The following CFH variants were observed in gnomAD, a reference collection of about 807,000 sequenced individuals.
The protein encoded by CFH is complement factor H.
A neutral mutation model predicts 147.3 loss-of-function variants in CFH; 53 were observed. That is an observed-to-expected ratio of 0.36 (90% confidence interval 0.29 to 0.45). The LOEUF is 0.45. CFH is among the 20% of genes least tolerant of loss of function. The probability of loss-of-function intolerance (pLI) is 1.00; values close to 1 mark genes in which losing one functional copy is unlikely to be tolerated. For synonymous variants in CFH, 536 were observed against 489.4 expected, an observed-to-expected ratio of 1.10 and a Z score of -1.26; for missense variants, 1,380 against 1,498.0, an observed-to-expected ratio of 0.92 and a Z score of 1.30.
intron 9 of CFH, among the ~76,000 whole-genome samples, chr1:196,693,478 C>T (rs937114517): frequency 6.6e-6 from 1 of 151,980 alleles, no homozygotes; most frequent in Non-Finnish European, 1.5e-5. Context: ...CCAGTAAATG[C>T]CCGAAATGAT....
chr1:196,714,668 T>TATATATAGAGAG (rs1362376856), intron 10 of CFH, among the ~76,000 whole-genome samples: 9 of 21,312 alleles, frequency 4.2e-4, no homozygotes, highest in East Asian at 1.5e-3. Context: ...TATATATATA[T>TATATATAGAGAG]AGAGAGAGAG....
chr1:196,674,789 T>G (rs561757626), intron 3 of CFH, among the ~76,000 whole-genome samples: 9 of 152,284 alleles, frequency 5.9e-5, no homozygotes, highest in Admixed American at 2.0e-4. Context: ...TTAACATTTA[T>G]GGGTATTTAA....
intron 9 of CFH, 184 bp downstream of exon 9, chr1:196,690,423 C>A (rs770995810): frequency 5.4e-5 from 43 of 795,152 alleles, no homozygotes; most frequent in Non-Finnish European, 8.7e-5. Flanking sequence ...TTGATAAGTA[C>A]ATAGTAAAAT....
At chr1:196,737,332 G>C (rs1221618135) in intron 16 of CFH, 143 bp from the exon 17 acceptor site, 5 of 662,256 alleles carry the variant, frequency 7.5e-6, no homozygotes, top group Non-Finnish European at 1.0e-5. Flanking sequence ...ATATCTTTGC[G>C]AGTTTCTAAT....
intron 15 of CFH, among the ~76,000 whole-genome samples, chr1:196,729,841 C>T (rs757483763): frequency 7.3e-5 from 11 of 151,702 alleles, no homozygotes; most frequent in Non-Finnish European, 1.5e-4. Flanking sequence ...GAAATTTATC[C>T]ATTTCTTCTA....
chr1:196,673,255 A>G, intron 2 of CFH, 92 bp downstream of exon 2: 1 of 1,135,336 alleles, frequency 8.8e-7, no homozygotes, highest in Non-Finnish European at 1.3e-6. Context: ...GAATTATATC[A>G]CTATTGCCAG....
intron 7 of CFH, among the ~76,000 whole-genome samples, chr1:196,688,113 A>G (rs147555838): frequency 3.3e-5 from 5 of 151,964 alleles, no homozygotes; most frequent in Middle Eastern, 4.2e-3. Flanking sequence ...TTTTTAACCT[A>G]TTGCATAAGG....
chr1:196,677,822 T>A (rs1020985167), intron 5 of CFH, 155 bp downstream of exon 5: 3 of 695,608 alleles, frequency 4.3e-6, no homozygotes, highest in Admixed American at 2.4e-5. Flanking sequence ...GTTCTTTGCA[T>A]GCATCATTTC....
intron 1 of CFH, among the ~76,000 whole-genome samples, chr1:196,663,858 G>T (rs1051042744): frequency 6.6e-6 from 1 of 152,022 alleles, no homozygotes; most frequent in African/African-American, 2.4e-5. Flanking sequence ...GAATTTTGTT[G>T]CTTTAGCCTA....
intron 1 of CFH, among the ~76,000 whole-genome samples, chr1:196,663,010 C>T (rs1177212514): frequency 6.6e-6 from 1 of 152,108 alleles, no homozygotes; most frequent in Non-Finnish European, 1.5e-5. Context: ...TCTGCTATTG[C>T]TATTGAGAAG....
chr1:196,681,514 A>G (rs1394359971), intron 6 of CFH, among the ~76,000 whole-genome samples: 1 of 151,400 alleles, frequency 6.6e-6, no homozygotes, highest in African/African-American at 2.4e-5. Flanking sequence ...AAGACTCTAC[A>G]TTTATAAAAC....
intron 9 of CFH, among the ~76,000 whole-genome samples, chr1:196,698,105 G>GTA (rs1344168553): frequency 6.6e-6 from 1 of 152,000 alleles, no homozygotes; most frequent in Non-Finnish European, 1.5e-5. Flanking sequence ...GTATACATAT[G>GTA]TAACTAACCT....
chr1:196,721,802 T>C (rs1037292250), intron 11 of CFH, among the ~76,000 whole-genome samples: 1 of 112,388 alleles, frequency 8.9e-6, no homozygotes, highest in South Asian at 3.3e-4. Flanking sequence ...CATTGTGTAA[T>C]GAACTTCTTG....
intron 9 of CFH, among the ~76,000 whole-genome samples, chr1:196,697,887 A>G (rs2149094416): frequency 3.3e-5 from 5 of 151,980 alleles, no homozygotes; most frequent in Middle Eastern, 6.8e-3. Context: ...CATCATTCTC[A>G]GCAAACTATG....
intron 6 of CFH, among the ~76,000 whole-genome samples, chr1:196,681,885 T>C (rs759781754): frequency 6.6e-6 from 1 of 151,866 alleles, no homozygotes; most frequent in Non-Finnish European, 1.5e-5. Context: ...TACTTGCTGA[T>C]ATAAGATGAA....
chr1:196,733,934 C>T (rs1669340327), intron 15 of CFH, among the ~76,000 whole-genome samples: 1 of 152,038 alleles, frequency 6.6e-6, no homozygotes, highest in East Asian at 1.9e-4. Context: ...TTTTTTCAGC[C>T]CCTTCTCTGA....
At chr1:196,717,235 C>G (rs1439168917) in intron 11 of CFH, among the ~76,000 whole-genome samples, 1 of 152,068 alleles carries the variant, frequency 6.6e-6, no homozygotes, top group African/African-American at 2.4e-5. Flanking sequence ...CTTTGGCCAA[C>G]ACAGCAAGTC....
chr1:196,732,159 G>A (rs1018847545), intron 15 of CFH, among the ~76,000 whole-genome samples: 2 of 151,846 alleles, frequency 1.3e-5, no homozygotes, highest in Admixed American at 1.3e-4. Flanking sequence ...TGGATCTTAA[G>A]CTATCTTCAC....
Position 196,713,742 on chromosome 1 carries a change from T to C in CFH, c.1344T>C (p.Cys448=), listed in dbSNP as rs200149222. 8 of 1,582,158 alleles carry C rather than the reference T, an allele frequency of 5.1e-6. No individual in the cohort carries two copies. The African/African-American group carries it at 6.7e-5, about 13-fold the overall frequency. ...TATTCTCTTCCCTTTTAGAAACATGTTCCAAATCAAGTATAGATATTGAGA... is the reference window on the plus strand; with the variant it reads ...TATTCTCTTCCCTTTTAGAAACATGCTCCAAATCAAGTATAGATATTGAGA... ...PTPRCIRVKT[C]SKSSIDIENG... Residue 448 remains cysteine, a synonymous_variant, in exon 10 of 22, where the codon TGT becomes TGC. Transcript: ENST00000367429.
Sources: allele counts gnomAD v4.1 joint callset (sites outside exome capture counted in the v4.1 genomes callset), GRCh38; gene constraint gnomAD v4.1.1; transcripts MANE v1.5; gene names NCBI Gene and HGNC (gene_info 2026-07-23, HGNC 2026-07-21).